GDAP1: variants seen among roughly 807,000 people sequenced by gnomAD.
GDAP1 encodes ganglioside-induced differentiation-associated protein 1.
A neutral mutation model predicts 40.1 loss-of-function variants in GDAP1; 34 were observed. The observed-to-expected ratio is 0.85, with a 90% CI of 0.64 to 1.13. The LOEUF (loss-of-function observed/expected upper bound fraction) is 1.13, where lower values mean the gene tolerates loss of function less well. GDAP1 is among the 50% of genes most tolerant of loss of function. The pLI is 0.00. For missense variants in GDAP1, 374 were observed against 433.7 expected, an observed-to-expected ratio of 0.86 and a Z score of 1.22; for synonymous variants, 170 against 157.4, an observed-to-expected ratio of 1.08 and a Z score of -0.60.
intron 2 of GDAP1, among the ~76,000 whole-genome samples, chr8:74,374,721 A>G (rs1440556903): frequency 6.6e-6 from 1 of 152,202 alleles, no homozygotes; most frequent in South Asian, 2.1e-4. Flanking sequence ...TTAGGAACAA[A>G]TGTTGCTAAC....
rs1457434195 is a variant in GDAP1, at chr8:74,365,046, C to G, written c.*679C>G. ...TGTTTTAGATGGTGCCTGTGAGATA[C>G]CATTCCTCTGGATGGTCATGTCCAG... On this transcript the variant is annotated 3_prime_UTR_variant, in exon 6 of 6. Transcript: ENST00000220822. 1 of 454,022 alleles carries G rather than the reference C, an allele frequency of 2.2e-6. No homozygotes were observed. The highest frequency in any genetic ancestry group is 4.4e-6 in the Non-Finnish European group (1 of 226,752). 28.1% of individuals were successfully genotyped at this position (454,022 alleles called of 1,614,324 possible). A position where few individuals can be genotyped will look rare whatever the true frequency, so the allele number is the denominator to read the frequency against.
intron 2 of GDAP1, among the ~76,000 whole-genome samples, chr8:74,470,566 C>T (rs1806538894): frequency 1.3e-5 from 2 of 152,152 alleles, no homozygotes; most frequent in South Asian, 4.1e-4. Context: ...ATCCATGTCC[C>T]TACAAAGGAC....
At chr8:74,413,817 C>T (rs575919252) in intron 2 of GDAP1, among the ~76,000 whole-genome samples, 3 of 149,012 alleles carry the variant, frequency 2.0e-5, no homozygotes, top group African/African-American at 7.8e-5. Flanking sequence ...ATAATGCCCC[C>T]AGAGGATGGA....
downstream of GDAP1, among the ~76,000 whole-genome samples, chr8:74,369,477 T>C (rs947252184): frequency 4.6e-5 from 7 of 152,016 alleles, no homozygotes; most frequent in South Asian, 2.1e-4. Flanking sequence ...GAAAAATTCA[T>C]TGGATGGGCT....
At chr8:74,402,711 C>G (rs530491199) in intron 2 of GDAP1, among the ~76,000 whole-genome samples, 1 of 150,260 alleles carries the variant, frequency 6.7e-6, no homozygotes, top group African/African-American at 2.5e-5. Flanking sequence ...TTCCCCAAAG[C>G]TTTTAATTTT....
At chr8:74,383,839 G>T (rs1289426602) in intron 2 of GDAP1, among the ~76,000 whole-genome samples, 1 of 152,056 alleles carries the variant, frequency 6.6e-6, no homozygotes, top group African/African-American at 2.4e-5. Flanking sequence ...TGAAATGCCA[G>T]AAAGGAAACA....
At chr8:74,469,735 G>A (rs1290742707) in intron 2 of GDAP1, among the ~76,000 whole-genome samples, 3 of 151,512 alleles carry the variant, frequency 2.0e-5, no homozygotes, top group Admixed American at 2.0e-4. Context: ...CAGCACTTTG[G>A]GAGGCTGAGG....
At chr8:74,377,560 A>G (rs911466019) in intron 2 of GDAP1, among the ~76,000 whole-genome samples, 5 of 152,232 alleles carry the variant, frequency 3.3e-5, no homozygotes, top group Non-Finnish European at 7.3e-5. Context: ...AATCCAAATT[A>G]AAACCGCAAT....
chr8:74,419,368 C>G (rs1164287276), intron 2 of GDAP1, among the ~76,000 whole-genome samples: 1 of 152,102 alleles, frequency 6.6e-6, no homozygotes, highest in African/African-American at 2.4e-5. Flanking sequence ...TTGATACATG[C>G]AACAACTTGG....
intron 2 of GDAP1, among the ~76,000 whole-genome samples, chr8:74,384,559 A>G (rs1285161262): frequency 3.9e-5 from 6 of 152,200 alleles, no homozygotes; most frequent in African/African-American, 1.4e-4. Context: ...AGGTTTTCCA[A>G]AAGTTGATTG....
chr8:74,361,580 A>G (rs1011343608), intron 3 of GDAP1, among the ~76,000 whole-genome samples: 1 of 152,058 alleles, frequency 6.6e-6, no homozygotes, highest in Non-Finnish European at 1.5e-5. Flanking sequence ...TATTTTTAGT[A>G]GAGACGGGGT....
chr8:74,353,387 A>G lies in GDAP1; in HGVS notation c.310+1921A>G, dbSNP rs191089139. 1.3e-5 allele frequency among the ~76,000 whole-genome samples: 2 copies of G among 152,350 alleles called. 1 individual carries two copies. The highest frequency in any genetic ancestry group is 1.3e-4 in the Admixed American group (2 of 15,308). On this transcript the variant is annotated intron_variant, in intron 2 of 5. Transcript: ENST00000220822. Reference sequence around the variant, plus strand: ...GGACGAAAAAACGATTAAGGGACCCAAAACTTATGGTAGATAGGACGACAG... The same window carrying G: ...GGACGAAAAAACGATTAAGGGACCCGAAACTTATGGTAGATAGGACGACAG...
rs1457686879 is a variant in GDAP1, at chr8:74,364,665, G to A, written c.*298G>A. On this transcript the variant is annotated 3_prime_UTR_variant, in exon 6 of 6. Transcript: ENST00000220822. ...AAAGTAAGCTTCGGGTGCCTCCAAC[G>A]TTCATGGCTGCCTGTCTCATTGGTA... is the stretch of plus-strand genomic sequence containing the variant. 9.7e-6 allele frequency: 5 copies of A among 516,030 alleles called. No homozygotes were observed. The highest frequency in any genetic ancestry group is 5.1e-5 in the East Asian group (1 of 19,442). 32.0% of individuals were successfully genotyped at this position (516,030 alleles called of 1,614,324 possible).
At chr8:74,353,802 TAGTTA>T (rs554375959) in intron 2 of GDAP1, among the ~76,000 whole-genome samples, 211 of 152,338 alleles carry the variant, frequency 1.4e-3, no homozygotes, top group Non-Finnish European at 2.4e-3. Context: ...AATTAGTGTT[TAGTTA>T]AGTAAGCACT....
In GDAP1 at chr8:74,401,520, A is replaced by G. The variant is rs561588252; in HGVS notation, c.165+50199A>G. 3.7e-4 allele frequency among the ~76,000 whole-genome samples: 55 copies of G among 149,884 alleles called. No homozygotes were observed. In the South Asian group the frequency reaches 0.011, roughly 31 times the overall value. On this transcript the variant is annotated intron_variant, in intron 2 of 2. Coordinates refer to the GDAP1 transcript ENST00000523640. ...TGAATTTCCTCCTGTAGCTCGGAGTAGTTTGATCGTCTGAAGCCTTCTTCT... is the reference window on the plus strand; with the variant it reads ...TGAATTTCCTCCTGTAGCTCGGAGTGGTTTGATCGTCTGAAGCCTTCTTCT...
At chr8:74,456,811 T>G (rs1431613134) in intron 2 of GDAP1, among the ~76,000 whole-genome samples, 1 of 152,074 alleles carries the variant, frequency 6.6e-6, no homozygotes, top group Admixed American at 6.6e-5. Context: ...AATTTTAATA[T>G]GCTTAAGATG....
At chr8:74,388,098 T>C (rs539739634) in intron 2 of GDAP1, among the ~76,000 whole-genome samples, 1 of 152,304 alleles carries the variant, frequency 6.6e-6, no homozygotes, top group East Asian at 1.9e-4. Flanking sequence ...GCAGTCTATC[T>C]ATTTTGTTAA....
chr8:74,469,920 G>A (rs977126672), intron 2 of GDAP1, among the ~76,000 whole-genome samples: 3 of 152,036 alleles, frequency 2.0e-5, no homozygotes, highest in Admixed American at 2.0e-4. Flanking sequence ...GTTGCAGTGA[G>A]CCAAGATCGC....
intron 2 of GDAP1, among the ~76,000 whole-genome samples, chr8:74,416,428 C>T (rs942901107): frequency 1.3e-5 from 2 of 150,122 alleles, no homozygotes; most frequent in Non-Finnish European, 2.9e-5. Context: ...ACACAGTGCC[C>T]AGGAAAGAGA....
Sources: gnomAD v4.1 joint callset for allele counts (sites outside exome capture counted in the v4.1 genomes callset) on GRCh38, gnomAD v4.1.1 for gene constraint, MANE v1.5 for transcripts, NCBI Gene and HGNC (gene_info 2026-07-23, HGNC 2026-07-21) for gene names.